The following CRELD2 variants were observed in gnomAD, a reference collection of about 807,000 sequenced individuals.
CRELD2 encodes the protein protein disulfide isomerase CRELD2.
In CRELD2, 33 loss-of-function variants were observed where a neutral mutation model predicts 48.1. That is an observed-to-expected ratio of 0.69 (90% confidence interval 0.52 to 0.92). CRELD2 has a LOEUF of 0.92. Ranked by LOEUF, CRELD2 falls within the 40% of genes least tolerant of loss-of-function variation. The pLI, the probability that CRELD2 is intolerant of heterozygous loss-of-function variation, is 0.00. For synonymous variants in CRELD2, 220 were observed against 203.9 expected, an observed-to-expected ratio of 1.08 and a Z score of -0.67; for missense variants, 477 against 482.4, an observed-to-expected ratio of 0.99 and a Z score of 0.10.
In CRELD2 at chr22:49,921,607, G is replaced by T; in HGVS notation, c.438G>T (p.Arg146Ser). Residue 146 changes from arginine (R) to serine (S), a missense_variant, in exon 5 of 10, where the codon AGG (arginine) becomes AGT (serine). By Grantham distance (110) the Arg-to-Ser change is moderately radical. Coordinates refer to ENST00000328268, the MANE Select transcript of CRELD2 (RefSeq NM_024324.5). ...AAGCATGCCAGGGCGGATCCCAGAG[G>T]CCCTGCAGCGGGAATGGCCACTGCA... ...DCLACQGGSQ[R>S]PCSGNGHCSG... is the part of the protein sequence containing the mutation. 1 of 1,612,750 alleles carries T rather than the reference G, an allele frequency of 6.2e-7. No individual in the cohort carries two copies. The highest frequency in any genetic ancestry group is 8.5e-7 in the Non-Finnish European group (1 of 1,179,930).
Position 49,927,412 on chromosome 22 carries a change from G to C in CRELD2, c.*105G>C, listed in dbSNP as rs2060780256. On this transcript the variant is annotated 3_prime_UTR_variant, in exon 10 of 10. Transcript: ENST00000328268. Reference sequence around the variant, plus strand: ...GGACAGCGGCGGGGAGAGGCTGCCTGCTCTCTAACGGTTGATTCTCATTTG... The same window carrying C: ...GGACAGCGGCGGGGAGAGGCTGCCTCCTCTCTAACGGTTGATTCTCATTTG... 1 of 861,522 alleles carries C rather than the reference G, an allele frequency of 1.2e-6. No individual in the cohort carries two copies. The highest frequency in any genetic ancestry group is 2.4e-5 in the East Asian group (1 of 41,120). The allele number at this position is 861,522 out of a possible 1,614,324, so 53.4% of individuals were successfully genotyped here.
intron 8 of CRELD2, 35 bp downstream of exon 8, chr22:49,924,490 C>T (rs750539928): frequency 4.1e-6 from 6 of 1,478,038 alleles, no homozygotes; most frequent in East Asian, 4.8e-5. Context: ...CGCTGGTGGA[C>T]CCTTCCCAAG....
chr22:49,922,073 C>T (rs1480768788), intron 5 of CRELD2: 4 of 622,104 alleles, frequency 6.4e-6, no homozygotes, highest in Admixed American at 6.2e-5. Flanking sequence ...GTGTGGGCCC[C>T]GCACCGGCCC....
Position 49,925,456 on chromosome 22 carries a change from G to A in CRELD2, c.908G>A (p.Arg303Lys), listed in dbSNP as rs1208933819. 6 of 1,613,668 alleles carry A rather than the reference G, an allele frequency of 3.7e-6. No homozygotes were observed. The highest frequency in any genetic ancestry group is 5.1e-6 in the Non-Finnish European group (6 of 1,179,790). Residue 303 changes from arginine (R) to lysine (K), a missense_variant, in exon 9 of 10, where the codon AGG becomes AAG. By Grantham distance (26) the Arg-to-Lys change is conservative (BLOSUM62 2). Coordinates refer to ENST00000328268, the MANE Select transcript of CRELD2 (RefSeq NM_024324.5). ...TCACTAGCAGAAAAAACCTGTGTGA[G>A]GAAAAACGAAAACTGCTACAATACT... ...ECSLAEKTCV[R>K]KNENCYNTPG...
chr22:49,925,776 G>T lies in CRELD2; in HGVS notation c.1009+219G>T, dbSNP rs998498443. ...AAGCCCCAGGTTCACAGCTCAAACG[G>T]AAGTTCAGGCGATGAAGGGGGAAGT... On this transcript the variant is annotated intron_variant, in intron 9 of 9. Transcript: ENST00000328268. The T allele has an allele frequency of 1.1e-5, 15 of 1,385,618 alleles. No individual in the cohort carries two copies. The Admixed American group carries it at 2.3e-4, about 21-fold the overall frequency. The allele number at this position is 1,385,618 out of a possible 1,614,324, so 85.8% of individuals were successfully genotyped here.
Position 49,919,323 on chromosome 22 carries a change from T to G in CRELD2, c.212+11T>G, listed in dbSNP as rs760130063. The G allele has an allele frequency of 6.2e-7, 1 of 1,610,762 alleles. No homozygotes were observed. ...CAAGTACGAGTCCAGGTGGGTGCCC[T>G]GGAGCACCCCTGTGGGTCTTGGCCT... On this transcript the variant is annotated intron_variant, in intron 2 of 9. Coordinates refer to ENST00000328268, the MANE Select transcript of CRELD2 (RefSeq NM_024324.5).
chr22:49,920,146 C>T lies in CRELD2; in HGVS notation c.324-10C>T, dbSNP rs776150017. ...GCTGGGATTCAGTGAATGTTTTCCT[C>T]CATCCTCAGGAAGAGCGAATATCCT... On this transcript the variant is annotated splice_polypyrimidine_tract_variant and intron_variant, in intron 3 of 9. Coordinates refer to ENST00000328268, the MANE Select transcript of CRELD2 (RefSeq NM_024324.5). 20 of 1,584,380 alleles carry T rather than the reference C, an allele frequency of 1.3e-5. No individual in the cohort carries two copies. The highest frequency in any genetic ancestry group is 6.6e-5 in the South Asian group (6 of 90,392).
At chr22:49,921,940 G>A (rs2060692375) in intron 5 of CRELD2, 179 bp downstream of exon 5, 8 of 661,612 alleles carry the variant, frequency 1.2e-5, no homozygotes, top group East Asian at 2.8e-5. Context: ...AGAGGTTGTC[G>A]GGCACTTCCT....
intron 4 of CRELD2, 86 bp downstream of exon 4, chr22:49,920,333 G>A (rs905521171): frequency 8.6e-6 from 8 of 930,214 alleles, no homozygotes; most frequent in South Asian, 7.1e-5. Context: ...GCACAGAGGG[G>A]ACCTGGGGTG....
At chr22:49,925,256 T>G in intron 8 of CRELD2, 161 bp from the exon 9 acceptor site, 1 of 561,992 alleles carries the variant, frequency 1.8e-6, no homozygotes, top group African/African-American at 1.9e-5. Flanking sequence ...CGTGAAATTC[T>G]TCCCTCTCGA....
At chr22:49,920,290 C>T in intron 4 of CRELD2, 43 bp downstream of exon 4, 1 of 1,308,160 alleles carries the variant, frequency 7.6e-7, no homozygotes, top group African/African-American at 1.5e-5. Flanking sequence ...ACGTCACTTC[C>T]CCTCTTCTTC....
At chr22:49,922,081 C>G in intron 5 of CRELD2, 1 of 633,536 alleles carries the variant, frequency 1.6e-6, no homozygotes, top group South Asian at 2.1e-5. Flanking sequence ...CCCGCACCGG[C>G]CCAGAGAGCA....
chr22:49,927,418 T>C lies in CRELD2; in HGVS notation c.*111T>C. On this transcript the variant is annotated 3_prime_UTR_variant, in exon 10 of 10. Coordinates refer to ENST00000328268, the MANE Select transcript of CRELD2 (RefSeq NM_024324.5). ...CGGCGGGGAGAGGCTGCCTGCTCTC[T>C]AACGGTTGATTCTCATTTGTCCCTT... 1.2e-6 allele frequency: 1 copy of C among 817,382 alleles called. No individual in the cohort carries two copies. The highest frequency in any genetic ancestry group is 2.1e-6 in the Non-Finnish European group (1 of 466,396). 50.6% of individuals were successfully genotyped at this position (817,382 alleles called of 1,614,324 possible). A position where few individuals can be genotyped will look rare whatever the true frequency, so the allele number is the denominator to read the frequency against.
At position 49,923,298 on chromosome 22, in the gene CRELD2, C is replaced by T. The variant is rs201681025; in HGVS notation, c.753C>T (p.Asn251=). ...CTGCGCAGTTCTGTAAGAACGCCAA[C>T]GGCTCCTACACGTGCGAAGGTGGGC... The part of the protein sequence containing the change: ...CSAAQFCKNA[N]GSYTCEECDS... Residue 251 remains asparagine, a synonymous_variant, in exon 7 of 10, where the codon AAC becomes AAT. Transcript: ENST00000328268. 3.3e-5 allele frequency: 53 copies of T among 1,611,678 alleles called. No homozygotes were observed. Among genetic ancestry groups the T allele is most frequent in the Middle Eastern group, 1.7e-4 (1 of 6,052 alleles).
intron 1 of CRELD2, 149 bp from the exon 2 acceptor site, chr22:49,919,081 C>T: frequency 6.6e-6 from 6 of 910,654 alleles, no homozygotes; most frequent in East Asian, 5.0e-5. Flanking sequence ...CTGGAGTCCC[C>T]CTCACCCTTG....
chr22:49,924,362 T>C lies in CRELD2; in HGVS notation c.775T>C (p.Cys259Arg), dbSNP rs1032887364. 3.1e-6 allele frequency: 5 copies of C among 1,610,184 alleles called. No individual in the cohort carries two copies. Among genetic ancestry groups the C allele is most frequent in the Non-Finnish European group, 3.4e-6 (4 of 1,178,240 alleles). The change falls in exon 8 of 10, where the codon TGT (cysteine) becomes CGT (arginine). Residue 259 changes from cysteine to arginine, a missense_variant and splice_region_variant. Cys to Arg is a radical substitution (Grantham distance 180). Transcript: ENST00000328268. Reference protein sequence around the residue: ...NANGSYTCEECDSSCVGCTGE... With the variant: ...NANGSYTCEERDSSCVGCTGE... ...CTGACGCTGGCTCCCTGTTGCAGAG[T>C]GTGACTCCAGCTGTGTGGGCTGCAC...
intron 1 of CRELD2, 112 bp downstream of exon 1, chr22:49,919,010 C>CG: frequency 1.4e-5 from 14 of 984,968 alleles, no homozygotes; most frequent in Non-Finnish European, 1.9e-5. Flanking sequence ...GATCCGGGGT[C>CG]CCCCTCACCC....
chr22:49,921,830 T>G, intron 5 of CRELD2, 69 bp downstream of exon 5: 1 of 1,501,106 alleles, frequency 6.7e-7, no homozygotes, highest in Non-Finnish European at 9.0e-7. Context: ...TGGAGCTGCC[T>G]GCCTAGATGG....
In CRELD2 at chr22:49,918,799, G is replaced by T. The variant is rs2060641273; in HGVS notation, c.30G>T (p.Gly10=). 7.6e-7 allele frequency: 1 copy of T among 1,320,818 alleles called. No homozygotes were observed. The highest frequency in any genetic ancestry group is 1.5e-5 in the African/African-American group (1 of 64,930). 81.8% of individuals were successfully genotyped at this position (1,320,818 alleles called of 1,614,324 possible). ...GCCTGCCGCGCCGGGCCGCGCTGGGGCTCCTGCCGCTTCTGCTGCTGCTGC... is the reference window on the plus strand; with the variant it reads ...GCCTGCCGCGCCGGGCCGCGCTGGGTCTCCTGCCGCTTCTGCTGCTGCTGC... MRLPRRAAL[G]LLPLLLLLPP... The change falls in exon 1 of 10, where the codon GGG becomes GGT. Residue 10 remains glycine, a synonymous_variant. Transcript: ENST00000328268.
Sources: allele counts gnomAD v4.1 joint callset, GRCh38; gene constraint gnomAD v4.1.1; transcripts MANE v1.5; gene names NCBI Gene and HGNC (gene_info 2026-07-23, HGNC 2026-07-21).